EDA: variants seen among roughly 807,000 people sequenced by gnomAD.
EDA encodes the protein ectodysplasin A.
EDA carries 2 observed loss-of-function variants against 23.6 expected under a neutral mutation model. The ratio of observed to expected loss-of-function variants is 0.08; its 90% CI spans 0.03 to 0.27. EDA has a LOEUF of 0.27. EDA is among the 10% of genes least tolerant of loss of function. EDA has a pLI of 1.00. For missense variants in EDA, 229 were observed against 324.2 expected (o/e 0.71, Z 2.26); for synonymous variants, 131 against 132.0 (o/e 0.99, Z 0.05).
At chrX:69,947,183 G>A (rs2018845461) in intron 1 of EDA, among the ~76,000 whole-genome samples, 2 of 112,691 alleles carry the variant, frequency 1.8e-5, no homozygotes, top group South Asian at 7.3e-4. Context: ...GGAAGGCAGT[G>A]TCATCCAGTA....
intron 1 of EDA, among the ~76,000 whole-genome samples, chrX:69,872,499 A>T (rs1335949796): frequency 1.8e-5 from 2 of 111,908 alleles, no homozygotes; most frequent in Admixed American, 9.5e-5. Context: ...TACTGTCTTC[A>T]GGAGACTCGC....
chrX:69,871,358 A>T (rs1237001762), intron 1 of EDA, among the ~76,000 whole-genome samples: 1 of 111,531 alleles, frequency 9.0e-6, no homozygotes, highest in Non-Finnish European at 1.9e-5. Flanking sequence ...TTTATTGAGT[A>T]TTAACTTATA....
At chrX:69,833,930 CTCCT>C (rs1410120915) in intron 1 of EDA, among the ~76,000 whole-genome samples, 3 of 105,895 alleles carry the variant, frequency 2.8e-5, no homozygotes, top group Non-Finnish European at 5.8e-5. Flanking sequence ...TTAGGTATAT[CTCCT>C]AATGCTATCC....
chrX:70,038,312 TGAG>T lies in EDA; in HGVS notation c.*2705_*2707del. 1 of 110,790 alleles carries T rather than the reference TGAG, an allele frequency of 9.0e-6. No homozygotes were observed. Among genetic ancestry groups the T allele is most frequent in the South Asian group, 3.9e-4 (1 of 2,553 alleles). 9.1% of individuals were successfully genotyped at this position (110,790 alleles called of 1,213,427 possible). On this transcript the variant is annotated 3_prime_UTR_variant, in exon 8 of 8. Transcript: ENST00000374552. Reference sequence around the variant, plus strand: ...AGGAACTCTAGAGGGCGAGGGATGATGAGGGAAGCAATAGGTAGCTGGGGAGCC... The same window carrying T: ...AGGAACTCTAGAGGGCGAGGGATGATGGAAGCAATAGGTAGCTGGGGAGCC...
At chrX:69,661,333 A>ACTCTGATG (rs1933497182) in intron 1 of EDA, among the ~76,000 whole-genome samples, 1 of 102,712 alleles carries the variant, frequency 9.7e-6, no homozygotes. Flanking sequence ...TTTGCTGTGC[A>ACTCTGATG]GAAGCTCTTT....
intron 1 of EDA, among the ~76,000 whole-genome samples, chrX:69,922,301 A>C (rs906356161): frequency 7.1e-5 from 8 of 112,124 alleles, no homozygotes; most frequent in African/African-American, 2.6e-4. Context: ...GTAAGTTTCA[A>C]ATCAGTTGGG....
chrX:69,765,615 CT>C (rs2014447605), intron 1 of EDA, among the ~76,000 whole-genome samples: 1 of 111,742 alleles, frequency 8.9e-6, no homozygotes, highest in Admixed American at 9.5e-5. Context: ...TTAAACATAA[CT>C]TTTTATTTTC....
At chrX:69,738,218 T>C (rs183193421) in intron 1 of EDA, among the ~76,000 whole-genome samples, 1 of 111,090 alleles carries the variant, frequency 9.0e-6, no homozygotes, top group African/African-American at 3.3e-5. Context: ...TTTCTCTCTA[T>C]GCTTCATTTT....
At chrX:69,912,769 C>CTTTTTTTT (rs750059116) in intron 1 of EDA, among the ~76,000 whole-genome samples, 9 of 79,194 alleles carry the variant, frequency 1.1e-4, no homozygotes, top group Non-Finnish European at 2.0e-4. Flanking sequence ...TTTTTCTTTT[C>CTTTTTTTT]TTTTTTTTTT....
At chrX:69,770,062 A>G (rs751104099) in intron 1 of EDA, among the ~76,000 whole-genome samples, 4 of 112,213 alleles carry the variant, frequency 3.6e-5, no homozygotes, top group Non-Finnish European at 7.5e-5. Context: ...AATTCTCTGC[A>G]CATTCACCCA....
chrX:70,013,902 C>T (rs752100549), intron 2 of EDA, among the ~76,000 whole-genome samples: 1 of 112,388 alleles, frequency 8.9e-6, no homozygotes, highest in Admixed American at 9.3e-5. Flanking sequence ...AATACCCCTG[C>T]CTCCCTACTC....
chrX:69,818,642 A>G (rs1309620724), intron 1 of EDA, among the ~76,000 whole-genome samples: 2 of 111,511 alleles, frequency 1.8e-5, no homozygotes, highest in African/African-American at 6.5e-5. Context: ...TTCTGGACAC[A>G]TACACCTTCC....
At chrX:69,636,991 A>C (rs181370652) in intron 1 of EDA, among the ~76,000 whole-genome samples, 2 of 111,182 alleles carry the variant, frequency 1.8e-5, no homozygotes, top group Non-Finnish European at 3.8e-5. Context: ...GCCCTGGGAA[A>C]TCACACAATA....
intron 1 of EDA, among the ~76,000 whole-genome samples, chrX:69,745,809 G>A (rs1444929917): frequency 3.6e-5 from 4 of 111,106 alleles, no homozygotes; most frequent in African/African-American, 1.3e-4. Flanking sequence ...CCAACATGGT[G>A]AAACCTCATC....
chrX:70,018,038 G>A (rs1569402280), intron 2 of EDA, among the ~76,000 whole-genome samples: 1 of 111,490 alleles, frequency 9.0e-6, no homozygotes, highest in Admixed American at 9.6e-5. Flanking sequence ...AAAATTAGTA[G>A]CATTCCTATA....
rs112654545 is a variant in EDA, at chrX:69,982,002, G to A, written c.502+24870G>A. ...AGCATCTGAAGCATAGTGGTTGGAG[G>A]AGAGGGGAAGGGGGCGTTTAAGGAC... On this transcript the variant is annotated intron_variant, in intron 2 of 7. Transcript: ENST00000374552. 8.7e-3 allele frequency among the ~76,000 whole-genome samples: 971 copies of A among 111,493 alleles called. 12 individuals are homozygous for A. The highest frequency in any genetic ancestry group is 0.03 in the African/African-American group (921 of 30,657).
chrX:69,730,005 T>C (rs2012959638), intron 1 of EDA, among the ~76,000 whole-genome samples: 1 of 111,631 alleles, frequency 9.0e-6, no homozygotes, highest in South Asian at 3.8e-4. Flanking sequence ...ATTCTTTCCA[T>C]TTATTTATTC....
At position 69,645,584 on chromosome X, in the gene EDA, T is replaced by TTATATATATATATATATATATATA. The variant is rs761403541; in HGVS notation, c.396+28889_396+28890insATATATATATATATATATATATAT. Among the ~76,000 whole-genome samples, 46 of 54,240 alleles carry TTATATATATATATATATATATATA rather than the reference T, an allele frequency of 8.5e-4. 3 individuals carry two copies. The highest frequency in any genetic ancestry group is 2.3e-3 in the East Asian group (1 of 435). 47.1% of individuals were successfully genotyped at this position (54,240 alleles called of 115,157 possible). A position where few individuals can be genotyped will look rare whatever the true frequency, so the allele number is the denominator to read the frequency against. ...GGTTGCTCTTAGTTCTCTAGTTCTTTTATATATATGTGTGTGTGTATATAT... is the reference window on the plus strand; with the variant it reads ...GGTTGCTCTTAGTTCTCTAGTTCTTTTATATATATATATATATATATATATATATATATGTGTGTGTGTATATAT... On this transcript the variant is annotated intron_variant, in intron 1 of 7. Coordinates refer to ENST00000374552, the MANE Select transcript of EDA (RefSeq NM_001399.5).
At chrX:69,723,800 T>C (rs1212591443) in intron 1 of EDA, among the ~76,000 whole-genome samples, 3 of 111,738 alleles carry the variant, frequency 2.7e-5, no homozygotes, top group African/African-American at 9.8e-5. Flanking sequence ...TATTATGTAA[T>C]CTTAAGATGT....
Sources: allele counts gnomAD v4.1 joint callset (sites outside exome capture counted in the v4.1 genomes callset), GRCh38; gene constraint gnomAD v4.1.1; transcripts MANE v1.5; gene names NCBI Gene and HGNC (gene_info 2026-07-23, HGNC 2026-07-21).